EEF1AKMT2: variants seen among roughly 807,000 people sequenced by gnomAD.
The protein encoded by EEF1AKMT2 is EEF1A lysine methyltransferase 2.
In EEF1AKMT2, 32 loss-of-function variants were observed where a neutral mutation model predicts 35.8. The ratio of observed to expected loss-of-function variants is 0.89; its 90% CI spans 0.67 to 1.20. EEF1AKMT2 has a LOEUF of 1.20. Among genes scored for constraint, EEF1AKMT2 ranks in the 50% most tolerant of loss-of-function variants. The pLI is 0.00. For missense variants in EEF1AKMT2, 330 were observed against 347.5 expected (o/e 0.95, Z 0.40); for synonymous variants, 121 against 133.7 (o/e 0.91, Z 0.65).
chr10:124,791,669 C>A (rs1950635860), intron 1 of EEF1AKMT2, 55 bp downstream of exon 1: 1 of 1,540,590 alleles, frequency 6.5e-7, no homozygotes, highest in Admixed American at 1.9e-5. Context: ...GTCCCCTTCT[C>A]GGGGCCCAGG....
intron 3 of EEF1AKMT2, among the ~76,000 whole-genome samples, chr10:124,784,809 T>C (rs1297166071): frequency 6.6e-5 from 10 of 151,522 alleles, no homozygotes. Flanking sequence ...CACACACCTA[T>C]AATCTCAGCT....
At chr10:124,775,533 A>G (rs1003766192) in intron 3 of EEF1AKMT2, among the ~76,000 whole-genome samples, 4 of 149,172 alleles carry the variant, frequency 2.7e-5, no homozygotes, top group African/African-American at 9.7e-5. Context: ...CAAAGGAAAC[A>G]TGAAAAACAA....
chr10:124,785,383 G>C (rs571077379), intron 3 of EEF1AKMT2, among the ~76,000 whole-genome samples: 3 of 151,696 alleles, frequency 2.0e-5, no homozygotes, highest in Non-Finnish European at 4.4e-5. Context: ...ATCCAAAAAA[G>C]GAAAAAATTA....
At position 124,762,492 on chromosome 10, in the gene EEF1AKMT2, GA is replaced by G; in HGVS notation, c.682del (p.Ser228ProfsTer7). 7.7e-7 allele frequency: 1 copy of G among 1,291,368 alleles called. No homozygotes were observed. 80.0% of individuals were successfully genotyped at this position (1,291,368 alleles called of 1,614,324 possible). On this transcript the variant is annotated frameshift_variant, in exon 6 of 7. Transcript: ENST00000368836. LOFTEE classifies it high-confidence loss of function. ...ALTSWAQAIFSTSASRVGGTT... is the reference protein window; with the variant it reads ...ALTSWAQAIFXTSASRVGGTT... ...TCCACCTACTCGGGAGGCTGAAGTG[GA>G]AAAGATCGCTTGAGCCCAGGAAGTC... is the stretch of plus-strand genomic sequence containing the variant.
chr10:124,757,306 A>G (rs1426155501), downstream of EEF1AKMT2, among the ~76,000 whole-genome samples: 2 of 152,102 alleles, frequency 1.3e-5, no homozygotes, highest in African/African-American at 2.4e-5. Flanking sequence ...TTACAGAGCC[A>G]AAAACAGGAA....
At position 124,759,009 on chromosome 10, in the gene EEF1AKMT2, C is replaced by A. The variant is rs1236952921; in HGVS notation, c.*1494G>T. 1 of 152,080 alleles carries A rather than the reference C, an allele frequency of 6.6e-6. No individual in the cohort carries two copies. The allele number at this position is 152,080 out of a possible 1,614,324, so 9.4% of individuals were successfully genotyped here. On this transcript the variant is annotated 3_prime_UTR_variant, in exon 7 of 7. Coordinates refer to ENST00000368836, the MANE Select transcript of EEF1AKMT2 (RefSeq NM_212554.4). ...TGAAAAACTCACTCCTCTGGCTACC[C>A]CTCCCCAAAAAGAAAAGGGACGTAA...
chr10:124,763,351 G>C (rs1227698875), intron 5 of EEF1AKMT2, among the ~76,000 whole-genome samples: 2 of 152,170 alleles, frequency 1.3e-5, no homozygotes, highest in African/African-American at 4.8e-5. Context: ...ACAATTTTAT[G>C]AACATTTATA....
At chr10:124,756,705 T>G (rs1236536510), downstream of EEF1AKMT2, among the ~76,000 whole-genome samples, 2 of 152,184 alleles carry the variant, frequency 1.3e-5, no homozygotes, top group African/African-American at 2.4e-5. Flanking sequence ...ATTCAATCAT[T>G]CATTAGGCTT....
At chr10:124,760,669 G>C (rs1407572594) in intron 6 of EEF1AKMT2, among the ~76,000 whole-genome samples, 166 bp from the exon 7 acceptor site, 1 of 152,128 alleles carries the variant, frequency 6.6e-6, no homozygotes. Flanking sequence ...TACTATGTAT[G>C]TACAGCATAT....
chr10:124,791,659 G>A, intron 1 of EEF1AKMT2, 65 bp downstream of exon 1: 2 of 1,536,682 alleles, frequency 1.3e-6, no homozygotes, highest in South Asian at 1.2e-5. Flanking sequence ...CCACCCCGCC[G>A]TCCCCTTCTC....
chr10:124,760,470 T>C lies in EEF1AKMT2; in HGVS notation c.*33A>G. 1 of 1,613,928 alleles carries C rather than the reference T, an allele frequency of 6.2e-7. No homozygotes were observed. The highest frequency in any genetic ancestry group is 8.5e-7 in the Non-Finnish European group (1 of 1,179,812). ...TCCAGATCTGCCTCCAAAGCTGAAC[T>C]TGGGTGTTGGTAGCTCTTCGAGAAG... On this transcript the variant is annotated 3_prime_UTR_variant, in exon 7 of 7. Transcript: ENST00000368836.
At chr10:124,788,705 C>T (rs1950608101) in intron 3 of EEF1AKMT2, among the ~76,000 whole-genome samples, 1 of 39,628 alleles carries the variant, frequency 2.5e-5, no homozygotes, top group African/African-American at 7.2e-5. Flanking sequence ...TGCAAAAGGT[C>T]ATCTTTATAT....
In EEF1AKMT2 at chr10:124,758,457, A is replaced by G. The variant is rs2134116140; in HGVS notation, c.*2046T>C. 2 of 151,994 alleles carry G rather than the reference A, an allele frequency of 1.3e-5. No homozygotes were observed. The highest frequency in any genetic ancestry group is 2.4e-5 in the African/African-American group (1 of 41,474). The allele number at this position is 151,994 out of a possible 1,614,324, so 9.4% of individuals were successfully genotyped here. A position where few individuals can be genotyped will look rare whatever the true frequency, so the allele number is the denominator to read the frequency against. ...CTTCCAGCAGGATTAGAGTAATAAGAAGAGATGACAACTTCCTTTTCCTAA... is the reference window on the plus strand; with the variant it reads ...CTTCCAGCAGGATTAGAGTAATAAGGAGAGATGACAACTTCCTTTTCCTAA... On this transcript the variant is annotated 3_prime_UTR_variant, in exon 7 of 7. Coordinates refer to ENST00000368836, the MANE Select transcript of EEF1AKMT2 (RefSeq NM_212554.4).
At chr10:124,760,858 CGA>C (rs1950324828) in intron 6 of EEF1AKMT2, among the ~76,000 whole-genome samples, 2 of 152,150 alleles carry the variant, frequency 1.3e-5, no homozygotes, top group African/African-American at 4.8e-5. Flanking sequence ...TAGCATGTGT[CGA>C]GTTTTTTTGT....
At chr10:124,785,790 G>A (rs1384417842) in intron 3 of EEF1AKMT2, among the ~76,000 whole-genome samples, 1 of 151,482 alleles carries the variant, frequency 6.6e-6, no homozygotes, top group Non-Finnish European at 1.5e-5. Context: ...CATCTACTCA[G>A]GAGGCTGAGG....
Position 124,791,877 on chromosome 10 carries a change from G to A in EEF1AKMT2, c.-44C>T, listed in dbSNP as rs1950640145. 2 of 1,531,048 alleles carry A rather than the reference G, an allele frequency of 1.3e-6. No homozygotes were observed. Among genetic ancestry groups the A allele is most frequent in the Non-Finnish European group, 1.7e-6 (2 of 1,144,442 alleles). The allele number at this position is 1,531,048 out of a possible 1,614,324, so 94.8% of individuals were successfully genotyped here. ...CGGCCGTTGGGGCCGCCATAGAGAC[G>A]GGGCACAGGCAGAGCGGACGAGCGG... On this transcript the variant is annotated 5_prime_UTR_variant, in exon 1 of 7. Transcript: ENST00000368836.
intron 4 of EEF1AKMT2, among the ~76,000 whole-genome samples, chr10:124,769,218 C>CACAAAAAAAAAAAAAA (rs754443902): frequency 0.052 from 1,610 of 31,256 alleles, 690 homozygotes; most frequent in Middle Eastern, 0.29. Context: ...ACACTGTCTC[C>CACAAAAAAAAAAAAAA]AAAAAAAAAA....
chr10:124,788,991 A>T, intron 3 of EEF1AKMT2, 52 bp downstream of exon 3: 1 of 1,371,296 alleles, frequency 7.3e-7, no homozygotes, highest in East Asian at 2.3e-5. Flanking sequence ...GGGCCTTTAA[A>T]AATTTTCCTT....
chr10:124,760,378 G>T lies in EEF1AKMT2; in HGVS notation c.*125C>A. ...GTTAACTTTGCTGTGTAGATTCTGT[G>T]TAGCTACCTGAATTCGTCCAAGAAA... On this transcript the variant is annotated 3_prime_UTR_variant, in exon 7 of 7. Coordinates refer to ENST00000368836, the MANE Select transcript of EEF1AKMT2 (RefSeq NM_212554.4). The T allele has an allele frequency of 6.8e-7, 1 of 1,473,700 alleles. No individual in the cohort carries two copies. Among genetic ancestry groups the T allele is most frequent in the Non-Finnish European group, 9.5e-7 (1 of 1,057,348 alleles). The allele number at this position is 1,473,700 out of a possible 1,614,324, so 91.3% of individuals were successfully genotyped here. A position where few individuals can be genotyped will look rare whatever the true frequency, so the allele number is the denominator to read the frequency against.
Sources: allele counts gnomAD v4.1 joint callset (sites outside exome capture counted in the v4.1 genomes callset), GRCh38; gene constraint gnomAD v4.1.1; transcripts MANE v1.5; gene names NCBI Gene and HGNC (gene_info 2026-07-23, HGNC 2026-07-21).